Variants in SDK1 observed in about 807,000 individuals in gnomAD.
The protein encoded by SDK1 is protein sidekick-1.
SDK1 carries 157 observed loss-of-function variants against 245.5 expected under a neutral mutation model. That is an observed-to-expected ratio of 0.64 (90% CI 0.56 to 0.73). The LOEUF is 0.73. Among genes scored for constraint, SDK1 ranks in the 30% least tolerant of loss-of-function variants. The pLI, the probability that SDK1 is intolerant of heterozygous loss-of-function variation, is 0.00. For missense variants in SDK1, 3,583 were observed against 3,002.3 expected (o/e 1.19, Z -4.52); for synonymous variants, 1,647 against 1,278.5 (o/e 1.29, Z -6.15).
chr7:3,951,080 C>A (rs769293945), intron 6 of SDK1, 46 bp downstream of exon 6: 1 of 1,380,922 alleles, frequency 7.2e-7, no homozygotes, highest in Non-Finnish European at 1.0e-6. Flanking sequence ...TATTCCATGA[C>A]CTGTGACGAG....
At chr7:3,983,624 C>T (rs1258678882) in intron 13 of SDK1, among the ~76,000 whole-genome samples, 3 of 152,188 alleles carry the variant, frequency 2.0e-5, no homozygotes, top group Non-Finnish European at 2.9e-5. Context: ...GCAATATTCA[C>T]TTCATTGTGG....
chr7:3,951,489 T>C (rs781587445), intron 6 of SDK1, among the ~76,000 whole-genome samples: 1 of 152,258 alleles, frequency 6.6e-6, no homozygotes, highest in African/African-American at 2.4e-5. Flanking sequence ...TTAGCACTTA[T>C]GGTCCATTGC....
intron 22 of SDK1, among the ~76,000 whole-genome samples, chr7:4,082,160 A>G (rs1303001573): frequency 6.6e-6 from 1 of 152,156 alleles, no homozygotes; most frequent in East Asian, 1.9e-4. Context: ...GGCGTCTGGA[A>G]TGGCAGGAGT....
At chr7:4,100,188 C>A (rs973060870) in intron 22 of SDK1, among the ~76,000 whole-genome samples, 1 of 152,178 alleles carries the variant, frequency 6.6e-6, no homozygotes, top group African/African-American at 2.4e-5. Context: ...CCTGTTTCCC[C>A]TTGAGAGGGA....
intron 4 of SDK1, among the ~76,000 whole-genome samples, chr7:3,688,004 A>C (rs369567525): frequency 1.3e-5 from 2 of 152,178 alleles, no homozygotes; most frequent in African/African-American, 4.8e-5. Context: ...AGAAGGTTCT[A>C]TTTCCAAAGA....
chr7:3,450,709 C>T (rs951528009), intron 1 of SDK1, among the ~76,000 whole-genome samples: 31 of 151,980 alleles, frequency 2.0e-4, no homozygotes, highest in African/African-American at 6.5e-4. Context: ...GACCTTAGCT[C>T]ATGTGAAAAG....
chr7:3,620,902 C>T (rs1247262391), intron 2 of SDK1, among the ~76,000 whole-genome samples: 1 of 152,150 alleles, frequency 6.6e-6, no homozygotes, highest in Non-Finnish European at 1.5e-5. Context: ...GGAGGATCTA[C>T]ACTCGAGGAA....
At chr7:4,244,439 T>C (rs1428070652) in intron 43 of SDK1, among the ~76,000 whole-genome samples, 1 of 152,164 alleles carries the variant, frequency 6.6e-6, no homozygotes, top group African/African-American at 2.4e-5. Context: ...CTGCCTGATG[T>C]GAAAATTCAG....
chr7:4,183,087 C>T (rs1782687152), intron 35 of SDK1, among the ~76,000 whole-genome samples: 1 of 152,144 alleles, frequency 6.6e-6, no homozygotes, highest in Non-Finnish European at 1.5e-5. Context: ...CTGGGGATGC[C>T]ATCACGGGGC....
chr7:3,407,707 C>T (rs1176960930), intron 1 of SDK1, among the ~76,000 whole-genome samples: 1 of 152,278 alleles, frequency 6.6e-6, no homozygotes, highest in Non-Finnish European at 1.5e-5. Flanking sequence ...TTTCATTTTG[C>T]AGTTACACAA....
chr7:4,144,048 C>T (rs1056692696), intron 28 of SDK1, among the ~76,000 whole-genome samples: 9 of 150,476 alleles, frequency 6.0e-5, no homozygotes, highest in African/African-American at 1.5e-4. Context: ...CCTACTCTCA[C>T]TGTGCAAGGG....
chr7:4,167,762 G>A (rs1265149051), intron 32 of SDK1, among the ~76,000 whole-genome samples: 1 of 152,240 alleles, frequency 6.6e-6, no homozygotes, highest in East Asian at 1.9e-4. Flanking sequence ...TGGGGACACG[G>A]GTCTGTGGTG....
chr7:3,495,818 C>G (rs762738696), intron 1 of SDK1, among the ~76,000 whole-genome samples: 1 of 152,168 alleles, frequency 6.6e-6, no homozygotes, highest in Non-Finnish European at 1.5e-5. Flanking sequence ...GAGCTGGTCC[C>G]GTGGCCTGGG....
chr7:3,957,225 G>A (rs56052705), intron 7 of SDK1, among the ~76,000 whole-genome samples: 209 of 152,262 alleles, frequency 1.4e-3, no homozygotes, highest in African/African-American at 4.9e-3. Context: ...TGATGGACAC[G>A]TGGACCTACA....
chr7:3,640,276 T>C (rs761551418), intron 3 of SDK1, among the ~76,000 whole-genome samples: 1 of 152,228 alleles, frequency 6.6e-6, no homozygotes, highest in Non-Finnish European at 1.5e-5. Context: ...ACAAAAGAGC[T>C]CCTGAGTTGG....
At chr7:4,002,636 T>G (rs531873936) in intron 14 of SDK1, among the ~76,000 whole-genome samples, 52 of 152,370 alleles carry the variant, frequency 3.4e-4, no homozygotes, top group Middle Eastern at 3.4e-3. Flanking sequence ...CTATCATTTT[T>G]TATGGTATAA....
chr7:3,998,483 A>G (rs1164600781), intron 14 of SDK1, among the ~76,000 whole-genome samples: 1 of 152,242 alleles, frequency 6.6e-6, no homozygotes, highest in African/African-American at 2.4e-5. Context: ...AAATAACAAA[A>G]TATTACATTT....
At chr7:3,793,392 T>C (rs190225830) in intron 4 of SDK1, among the ~76,000 whole-genome samples, 81 of 152,306 alleles carry the variant, frequency 5.3e-4, no homozygotes, top group African/African-American at 1.8e-3. Context: ...GAAGATCTTA[T>C]GCTCTACAAG....
chr7:3,375,081 T>C (rs552835821), intron 1 of SDK1, among the ~76,000 whole-genome samples: 1 of 152,306 alleles, frequency 6.6e-6, no homozygotes, highest in South Asian at 2.1e-4. Flanking sequence ...ACATGTTTAA[T>C]GATGCTGCAT....
Sources: allele counts gnomAD v4.1 joint callset (sites outside exome capture counted in the v4.1 genomes callset), GRCh38; gene constraint gnomAD v4.1.1; transcripts MANE v1.5; gene names NCBI Gene and HGNC (gene_info 2026-07-23, HGNC 2026-07-21).